KL: variants seen among roughly 807,000 people sequenced by gnomAD.
KL encodes klotho, also known as alpha-klotho.
Under a neutral mutation model 84.2 loss-of-function variants are expected in KL, and 62 were observed. That is an observed-to-expected ratio of 0.74 (90% CI 0.60 to 0.91). The LOEUF (loss-of-function observed/expected upper bound fraction) is 0.91, where lower values mean the gene tolerates loss of function less well. Among genes scored for constraint, KL ranks in the 40% least tolerant of loss-of-function variants. The pLI is 0.00. For synonymous variants in KL, 528 were observed against 528.0 expected (o/e 1.00, Z 0.00); for missense variants, 1,261 against 1,305.7 (o/e 0.97, Z 0.53).
intron 1 of KL, among the ~76,000 whole-genome samples, chr13:33,020,291 C>T (rs522169): frequency 0.31 from 47,218 of 151,894 alleles, 8,464 homozygotes; most frequent in Admixed American, 0.44. Context: ...GATTTCAGGC[C>T]CTGGCTCTCC....
intron 3 of KL, among the ~76,000 whole-genome samples, chr13:33,058,001 A>C (rs1593809984): frequency 6.6e-6 from 1 of 152,194 alleles, no homozygotes; most frequent in Non-Finnish European, 1.5e-5. Context: ...AACTTGAAAA[A>C]TAATATCCTA....
At chr13:33,029,758 C>G (rs748732414) in intron 1 of KL, among the ~76,000 whole-genome samples, 11 of 152,130 alleles carry the variant, frequency 7.2e-5, no homozygotes, top group Non-Finnish European at 1.6e-4. Flanking sequence ...CTCAGCCTCC[C>G]GAGTAGCTGG....
intron 4 of KL, among the ~76,000 whole-genome samples, chr13:33,063,414 T>G (rs1872284888): frequency 6.6e-6 from 1 of 152,122 alleles, no homozygotes; most frequent in African/African-American, 2.4e-5. Context: ...TAAAGCCTTT[T>G]CTGATGAAAT....
chr13:33,036,905 G>A (rs964615981), intron 1 of KL, among the ~76,000 whole-genome samples: 55 of 152,170 alleles, frequency 3.6e-4, no homozygotes, highest in African/African-American at 1.3e-3. Context: ...AGTAGCATAC[G>A]TCATAATTTC....
chr13:33,059,035 T>A (rs892110859), intron 3 of KL, among the ~76,000 whole-genome samples: 1 of 152,142 alleles, frequency 6.6e-6, no homozygotes, highest in African/African-American at 2.4e-5. Context: ...AACACACTTA[T>A]CTCTCCAGAG....
chr13:33,055,439 T>C (rs1460641915), intron 3 of KL, 124 bp downstream of exon 3: 2 of 1,216,112 alleles, frequency 1.6e-6, no homozygotes, highest in African/African-American at 3.0e-5. Context: ...CAATTCCTTA[T>C]GAGTACACTA....
rs1369305869 is a variant in KL, at chr13:33,061,421, G to T, written c.2342G>T (p.Arg781Ile). ...GTGATGAGGGACTGGCTGAACCAAAGAAACAATTTTCTTCTTCCTTATTTC... is the reference window on the plus strand; with the variant it reads ...GTGATGAGGGACTGGCTGAACCAAATAAACAATTTTCTTCTTCCTTATTTC... Reference protein sequence around the residue: ...PWVMRDWLNQRNNFLLPYFTE... With the variant: ...PWVMRDWLNQINNFLLPYFTE... Residue 781 changes from arginine (R) to isoleucine (I), a missense_variant, in exon 4 of 5, where the codon AGA (arginine) becomes ATA (isoleucine). Arg to Ile is a moderately conservative substitution (Grantham distance 97). Transcript: ENST00000380099. The T allele has an allele frequency of 1.2e-6, 2 of 1,614,032 alleles. No individual in the cohort carries two copies. The highest frequency in any genetic ancestry group is 1.7e-6 in the Non-Finnish European group (2 of 1,180,026).
intron 1 of KL, among the ~76,000 whole-genome samples, chr13:33,038,268 T>C (rs1171898003): frequency 1.3e-5 from 2 of 152,222 alleles, no homozygotes; most frequent in East Asian, 1.9e-4. Context: ...ATTAATCCTG[T>C]AGCCTAATTA....
rs766985910 is a variant in KL, at chr13:33,060,769, G to A, written c.1690G>A (p.Val564Met). 10 of 1,614,104 alleles carry A rather than the reference G, an allele frequency of 6.2e-6. No homozygotes were observed. Among genetic ancestry groups the A allele is most frequent in the South Asian group, 3.3e-5 (3 of 91,090 alleles). The change falls in exon 4 of 5, where the codon GTG becomes ATG. Residue 564 changes from valine (V) to methionine (M), a missense_variant. Transcript: ENST00000380099. The stretch of plus-strand genomic sequence containing the variant: ...AAGGCTTATTAAAGTGGATGGGGTT[G>A]TGACCAAGAAGAGGAAATCCTACTG... ...SKRLIKVDGV[V>M]TKKRKSYCVD...
At position 33,016,778 on chromosome 13, in the gene KL, C is replaced by T; in HGVS notation, c.338C>T (p.Ala113Val). 1.9e-6 allele frequency: 3 copies of T among 1,611,832 alleles called. No homozygotes were observed. The highest frequency in any genetic ancestry group is 2.5e-6 in the Non-Finnish European group (3 of 1,179,460). ...DSRNASLPLG[A>V]PSPLQPATGD... Reference sequence around the variant, plus strand: ...CGGAACGCCAGTCTGCCGTTGGGCGCCCCGTCGCCGCTGCAGCCCGCCACC... The same window carrying T: ...CGGAACGCCAGTCTGCCGTTGGGCGTCCCGTCGCCGCTGCAGCCCGCCACC... Residue 113 changes from alanine to valine, a missense_variant, in exon 1 of 5, where the codon GCC (alanine) becomes GTC (valine). Coordinates refer to ENST00000380099, the MANE Select transcript of KL (RefSeq NM_004795.4).
At chr13:33,038,791 G>GT (rs1277705978) in intron 1 of KL, among the ~76,000 whole-genome samples, 1 of 152,144 alleles carries the variant, frequency 6.6e-6, no homozygotes, top group Admixed American at 6.5e-5. Flanking sequence ...CATCCATCCT[G>GT]TGGGGGAAAA....
At chr13:33,029,921 C>A (rs928552421) in intron 1 of KL, among the ~76,000 whole-genome samples, 1 of 147,786 alleles carries the variant, frequency 6.8e-6, no homozygotes, top group African/African-American at 2.5e-5. Flanking sequence ...GCGTGAGCCA[C>A]CGCGCCTGGC....
intron 4 of KL, among the ~76,000 whole-genome samples, chr13:33,062,960 A>G (rs955672545): frequency 2.0e-5 from 3 of 151,820 alleles, no homozygotes; most frequent in South Asian, 2.1e-4. Flanking sequence ...GCAGGGGGGG[A>G]AAATGAAGTA....
intron 3 of KL, among the ~76,000 whole-genome samples, chr13:33,058,957 G>A (rs147166488): frequency 2.6e-5 from 4 of 152,332 alleles, no homozygotes; most frequent in African/African-American, 9.6e-5. Context: ...TGGGTGTTCT[G>A]CAAGGGACAA....
chr13:33,061,023 G>T lies in KL; in HGVS notation c.1944G>T (p.Pro648=). The T allele has an allele frequency of 6.2e-7, 1 of 1,612,334 alleles. No individual in the cohort carries two copies. The highest frequency in any genetic ancestry group is 1.3e-5 in the African/African-American group (1 of 75,034). ...WQPMAPNQGL[P]RLLARQGAWE... ...CTATGGCCCCGAACCAAGGACTGCC[G>T]CGCCTCCTGGCCAGGCAGGGCGCCT... is the stretch of plus-strand genomic sequence containing the variant. The change falls in exon 4 of 5, where the codon CCG becomes CCT. Residue 648 remains proline, a synonymous_variant. Coordinates refer to ENST00000380099, the MANE Select transcript of KL (RefSeq NM_004795.4).
chr13:33,034,070 C>A, intron 1 of KL, among the ~76,000 whole-genome samples: 1 of 152,074 alleles, frequency 6.6e-6, no homozygotes, highest in East Asian at 1.9e-4. Flanking sequence ...AGCCAAGAGG[C>A]TTATAGAGTG....
In KL at chr13:33,058,680, T is replaced by TG. The variant is rs1872061569; in HGVS notation, c.1600-1998dup. Among the ~76,000 whole-genome samples the TG allele has an allele frequency of 3.3e-5, 5 of 152,118 alleles. No individual in the cohort carries two copies. The South Asian group carries it at 1.0e-3, about 32-fold the overall frequency. On this transcript the variant is annotated intron_variant, in intron 3 of 4. Coordinates refer to ENST00000380099, the MANE Select transcript of KL (RefSeq NM_004795.4). ...AGAAACTTTTTTTTTCCTCCAGAAA[T>TG]GATACCCTAGTCTTTCATATTTGTT...
At chr13:33,049,617 A>C (rs1261350925) in intron 1 of KL, among the ~76,000 whole-genome samples, 1 of 152,174 alleles carries the variant, frequency 6.6e-6, no homozygotes, top group Non-Finnish European at 1.5e-5. Context: ...CATACCTTAG[A>C]GAGCTGCACC....
chr13:33,031,567 T>C (rs1354210229), intron 1 of KL, among the ~76,000 whole-genome samples: 1 of 152,178 alleles, frequency 6.6e-6, no homozygotes, highest in Admixed American at 6.5e-5. Context: ...AACATTTATA[T>C]AGGAATCTTC....
Sources: gnomAD v4.1 joint callset for allele counts (sites outside exome capture counted in the v4.1 genomes callset) on GRCh38, gnomAD v4.1.1 for gene constraint, MANE v1.5 for transcripts, NCBI Gene and HGNC (gene_info 2026-07-23, HGNC 2026-07-21) for gene names.